The following CBFA2T3 variants were observed in gnomAD, a reference collection of about 807,000 sequenced individuals.
CBFA2T3 encodes transcriptional corepressor CBFA2T3.
A neutral mutation model predicts 58.6 loss-of-function variants in CBFA2T3; 31 were observed. The observed-to-expected ratio is 0.53, with a 90% CI of 0.40 to 0.71. The LOEUF (loss-of-function observed/expected upper bound fraction) is 0.71, where lower values mean the gene tolerates loss of function less well. CBFA2T3 is among the 30% of genes least tolerant of loss of function. CBFA2T3 has a pLI of 0.00. For missense variants in CBFA2T3, 1,076 were observed against 963.1 expected, an observed-to-expected ratio of 1.12 and a Z score of -1.55; for synonymous variants, 531 against 421.9, an observed-to-expected ratio of 1.26 and a Z score of -3.17.
chr16:88,910,712 A>C (rs1970503647), intron 1 of CBFA2T3, among the ~76,000 whole-genome samples: 1 of 152,108 alleles, frequency 6.6e-6, no homozygotes, highest in African/African-American at 2.4e-5. Context: ...CCTGGTGCTG[A>C]CTCCGGGAAG....
chr16:88,885,149 C>T lies in CBFA2T3; in HGVS notation c.1014G>A (p.Pro338=), dbSNP rs751133483. The T allele has an allele frequency of 1.9e-5, 31 of 1,600,446 alleles. No individual in the cohort carries two copies. The highest frequency in any genetic ancestry group is 1.4e-4 in the South Asian group (13 of 90,438). The change falls in exon 7 of 12, where the codon CCG becomes CCA. Residue 338 remains proline (P), a synonymous_variant. Transcript: ENST00000268679. The surrounding 1 kb of genome is among the most constrained non-coding windows in gnomAD (Gnocchi z 5.3). The part of the protein sequence containing the change: ...SPSNGPPQPT[P]PPHYRLEDIA... ...TGTCCTCCAGGCGGTAGTGCGGCGGCGGTGTGGGCTGCGGTGGCCCGTTGC... is the reference window on the plus strand; with the variant it reads ...TGTCCTCCAGGCGGTAGTGCGGCGGTGGTGTGGGCTGCGGTGGCCCGTTGC...
intron 1 of CBFA2T3, among the ~76,000 whole-genome samples, chr16:88,923,945 C>T (rs899354060): frequency 6.6e-6 from 1 of 152,218 alleles, no homozygotes; most frequent in African/African-American, 2.4e-5. Context: ...AGTGCAAGGA[C>T]CACGAAGACC....
intron 3 of CBFA2T3, among the ~76,000 whole-genome samples, chr16:88,896,715 G>A (rs1969900342): frequency 6.6e-6 from 1 of 152,206 alleles, no homozygotes; most frequent in Non-Finnish European, 1.5e-5. Flanking sequence ...ACGAGGGACT[G>A]TCGTCAGGAC....
intron 1 of CBFA2T3, chr16:88,941,038 A>T: frequency 2.0e-5 from 20 of 983,966 alleles, no homozygotes; most frequent in Non-Finnish European, 2.4e-5. Flanking sequence ...GGTCCGGGGG[A>T]TCCGGCGGGC....
chr16:88,920,030 C>A (rs1238444129), intron 1 of CBFA2T3, among the ~76,000 whole-genome samples: 1 of 152,222 alleles, frequency 6.6e-6, no homozygotes, highest in Non-Finnish European at 1.5e-5. Flanking sequence ...GAGCACTCTG[C>A]TCAAGGATTC....
rs909215911 is a variant in CBFA2T3 at position 88,885,768 on chromosome 16, C to T, written c.893+193G>A. 2 of 582,306 alleles carry T rather than the reference C, an allele frequency of 3.4e-6. No homozygotes were observed. The highest frequency in any genetic ancestry group is 6.1e-6 in the Non-Finnish European group (2 of 328,240). 36.1% of individuals were successfully genotyped at this position (582,306 alleles called of 1,614,324 possible). On this transcript the variant is annotated intron_variant, in intron 6 of 11. Transcript: ENST00000268679. This position sits in a 1 kb window ranked among gnomAD's most constrained non-coding sequence, Gnocchi z 5.3. ...CTCCCCGGAGCATCTGAGTCTGCAG[C>T]CCACTGGGGTGTCCGCCCGTGCAGC... is the stretch of plus-strand genomic sequence containing the variant.
intron 1 of CBFA2T3, among the ~76,000 whole-genome samples, chr16:88,946,386 A>G (rs1019947293): frequency 2.6e-5 from 4 of 152,346 alleles, no homozygotes; most frequent in Non-Finnish European, 5.9e-5. Context: ...TTCCAACTCA[A>G]TAGCATTCAG....
chr16:88,898,257 T>C (rs1567590795), intron 2 of CBFA2T3, 105 bp from the exon 3 acceptor site: 1 of 872,760 alleles, frequency 1.1e-6, no homozygotes, highest in Non-Finnish European at 1.9e-6. Flanking sequence ...AGAGTGATTT[T>C]TGGTGGGGGC....
chr16:88,921,385 C>T (rs1401695295), intron 1 of CBFA2T3, among the ~76,000 whole-genome samples: 1 of 152,226 alleles, frequency 6.6e-6, no homozygotes, highest in Non-Finnish European at 1.5e-5. Flanking sequence ...GCCGCCCCAC[C>T]CCAGCTTGGC....
At chr16:88,903,285 G>GTTCAGA (rs1970171634) in intron 1 of CBFA2T3, among the ~76,000 whole-genome samples, 1 of 152,238 alleles carries the variant, frequency 6.6e-6, no homozygotes. Flanking sequence ...AGGTTCAGAG[G>GTTCAGA]TGCTGAGGTC....
At chr16:88,949,630 G>C (rs1264196359) in intron 1 of CBFA2T3, among the ~76,000 whole-genome samples, 2 of 151,888 alleles carry the variant, frequency 1.3e-5, no homozygotes, top group African/African-American at 4.8e-5. Context: ...AGTGGCCCCA[G>C]CACACAAACA....
intron 1 of CBFA2T3, among the ~76,000 whole-genome samples, chr16:88,919,243 T>C (rs897197137): frequency 6.6e-6 from 1 of 151,962 alleles, no homozygotes; most frequent in African/African-American, 2.4e-5. Context: ...GAATGTGAGG[T>C]CCCGTTCCAG....
Position 88,965,065 on chromosome 16 carries a change from A to G in CBFA2T3, c.151+11592T>C, listed in dbSNP as rs546314875. Reference sequence around the variant, plus strand: ...CATCCATCCATCCATCCACCCATCCATCCATCTATCCACCCACCCATCTAT... The same window carrying G: ...CATCCATCCATCCATCCACCCATCCGTCCATCTATCCACCCACCCATCTAT... On this transcript the variant is annotated intron_variant, in intron 1 of 11. Coordinates refer to ENST00000268679, the MANE Select transcript of CBFA2T3 (RefSeq NM_005187.6). Among the ~76,000 whole-genome samples, 103 of 147,374 alleles carry G rather than the reference A, an allele frequency of 7.0e-4. 1 individual carries two copies. The Middle Eastern group carries it at 0.036, about 52-fold the overall frequency.
rs754202547 is a variant in CBFA2T3 at position 88,882,729 on chromosome 16, C to T, written c.1150G>A (p.Asp384Asn). Residue 384 changes from aspartate (D) to asparagine (N), a missense_variant, in exon 8 of 12, where the codon GAC (aspartate) becomes AAC (asparagine). Asp to Asn is a conservative substitution (Grantham distance 23, BLOSUM62 1). Transcript: ENST00000268679. ...VPGSRQEEVI[D>N]HKLTEREWAE... ...CACTCACGCTCTGTGAGCTTGTGGT[C>T]GATCACTTCTTCCTGCCGGGACCCA... is the stretch of plus-strand genomic sequence containing the variant. 5.0e-6 allele frequency: 8 copies of T among 1,589,232 alleles called. No homozygotes were observed. Among genetic ancestry groups the T allele is most frequent in the Non-Finnish European group, 6.8e-6 (8 of 1,168,134 alleles).
chr16:88,953,868 C>T lies in CBFA2T3; in HGVS notation c.151+22789G>A, dbSNP rs559151525. 2.0e-5 allele frequency among the ~76,000 whole-genome samples: 3 copies of T among 152,220 alleles called. No individual in the cohort carries two copies. Among genetic ancestry groups the T allele is most frequent in the Admixed American group, 1.3e-4 (2 of 15,302 alleles). On this transcript the variant is annotated intron_variant, in intron 1 of 11. Coordinates refer to ENST00000268679, the MANE Select transcript of CBFA2T3 (RefSeq NM_005187.6). The surrounding 1 kb of genome is among the most constrained non-coding windows in gnomAD (Gnocchi z 4.9). ...AGATGACTTTGGGGCTGCCATGGGCCTTGTCACCTGCATTGGGCTGGTGAG... is the reference window on the plus strand; with the variant it reads ...AGATGACTTTGGGGCTGCCATGGGCTTTGTCACCTGCATTGGGCTGGTGAG...
chr16:88,901,501 T>C lies in CBFA2T3; in HGVS notation c.304+3A>G, dbSNP rs772115444. ...CCTCGGCTGCCAGGTGGGGGCTACT[T>C]ACGTGTGTGTGGCGTGAAGGAGGGG... On this transcript the variant is annotated splice_donor_region_variant and intron_variant, in intron 2 of 11. Coordinates refer to ENST00000268679, the MANE Select transcript of CBFA2T3 (RefSeq NM_005187.6). 8.9e-6 allele frequency: 13 copies of C among 1,463,658 alleles called. No homozygotes were observed. In the African/African-American group the frequency reaches 1.9e-4, roughly 22 times the overall value. 90.7% of individuals were successfully genotyped at this position (1,463,658 alleles called of 1,614,324 possible). A position where few individuals can be genotyped will look rare whatever the true frequency, so the allele number is the denominator to read the frequency against.
At chr16:88,882,454 CGTGGCTGTGTGCGTGGGG>C (rs1410278420) in intron 8 of CBFA2T3, among the ~76,000 whole-genome samples, 1 of 140,272 alleles carries the variant, frequency 7.1e-6, no homozygotes, top group Admixed American at 7.2e-5. Context: ...TGTGCGTGGG[CGTGGCTGTGTGCGTGGGG>C]GTGGCTGTGT....
intron 1 of CBFA2T3, among the ~76,000 whole-genome samples, chr16:88,963,599 C>G (rs932113585): frequency 6.6e-6 from 1 of 152,188 alleles, no homozygotes; most frequent in African/African-American, 2.4e-5. Flanking sequence ...GATTTGTTAT[C>G]GTGGACATTC....
At chr16:88,950,500 CA>C (rs201018692) in intron 1 of CBFA2T3, 1 of 401,072 alleles carries the variant, frequency 2.5e-6, no homozygotes, top group African/African-American at 2.9e-5. Flanking sequence ...CACAGAGGGT[CA>C]GGAGTGTTGG....
Sources: gnomAD v4.1 joint callset for allele counts (sites outside exome capture counted in the v4.1 genomes callset) on GRCh38, gnomAD v4.1.1 for gene constraint, Gnocchi (gnomAD v3.1) non-coding constraint, MANE v1.5 for transcripts, NCBI Gene and HGNC (gene_info 2026-07-23, HGNC 2026-07-21) for gene names.